Variants in CELF4 observed in about 807,000 individuals in gnomAD.
CELF4 encodes CUGBP Elav-like family member 4.
A neutral mutation model predicts 59.9 loss-of-function variants in CELF4; 18 were observed. The ratio of observed to expected loss-of-function variants is 0.30; its 90% confidence interval spans 0.21 to 0.45. The LOEUF (loss-of-function observed/expected upper bound fraction) is 0.45, where lower values mean the gene tolerates loss of function less well. Among genes scored for constraint, CELF4 ranks in the 20% least tolerant of loss-of-function variants. The pLI, the probability that CELF4 is intolerant of heterozygous loss-of-function variation, is 1.00. For synonymous variants in CELF4, 261 were observed against 267.1 expected, an observed-to-expected ratio of 0.98 and a Z score of 0.22; for missense variants, 456 against 689.0, an observed-to-expected ratio of 0.66 and a Z score of 3.79.
intron 3 of CELF4, among the ~76,000 whole-genome samples, chr18:37,310,680 C>A (rs2096613255): frequency 1.3e-5 from 2 of 152,244 alleles, no homozygotes; most frequent in African/African-American, 4.8e-5. Context: ...CACACCCTGC[C>A]ATTCCCGTGT....
At chr18:37,411,128 T>C (rs971266246) in intron 2 of CELF4, among the ~76,000 whole-genome samples, 2 of 151,976 alleles carry the variant, frequency 1.3e-5, no homozygotes, top group South Asian at 2.1e-4. Context: ...GGGTAATTTT[T>C]GTATTTTTTT....
chr18:37,345,420 GC>G (rs2098217817), intron 2 of CELF4, among the ~76,000 whole-genome samples: 3 of 152,146 alleles, frequency 2.0e-5, no homozygotes, highest in Non-Finnish European at 2.9e-5. Context: ...CCTGGGCACA[GC>G]CAGCCTCTCT....
At chr18:37,324,219 G>T (rs1168088324) in intron 2 of CELF4, among the ~76,000 whole-genome samples, 4 of 152,092 alleles carry the variant, frequency 2.6e-5, no homozygotes, top group Non-Finnish European at 5.9e-5. Context: ...CTTCTGTATG[G>T]ACTGAAGTGT....
At chr18:37,405,193 C>T (rs2154586913) in intron 2 of CELF4, among the ~76,000 whole-genome samples, 2 of 152,284 alleles carry the variant, frequency 1.3e-5, no homozygotes, top group East Asian at 3.9e-4. Flanking sequence ...CTGTCATTTT[C>T]ACTAACAGCT....
intron 9 of CELF4, chr18:37,266,096 G>C (rs963100165): frequency 3.5e-6 from 1 of 284,612 alleles, no homozygotes; most frequent in Admixed American, 4.9e-5. Context: ...ATCTCTTCTA[G>C]AGGCCCTCCT....
rs1368806276 is a variant in CELF4, at chr18:37,244,569, T to C, written c.*673A>G. 1.7e-5 allele frequency: 1 copy of C among 59,230 alleles called. No individual in the cohort carries two copies. Among genetic ancestry groups the C allele is most frequent in the African/African-American group, 2.1e-4 (1 of 4,684 alleles). The allele number at this position is 59,230 out of a possible 1,614,324, so 3.7% of individuals were successfully genotyped here. Reference sequence around the variant, plus strand: ...GCGTTATTTTTCCTTTTTTTGTTGTTTTTTTTGTTTTTTGTTTTTTTTTTA... The same window carrying C: ...GCGTTATTTTTCCTTTTTTTGTTGTCTTTTTTGTTTTTTGTTTTTTTTTTA... On this transcript the variant is annotated 3_prime_UTR_variant, in exon 13 of 13. Coordinates refer to ENST00000420428, the MANE Select transcript of CELF4 (RefSeq NM_020180.4).
At position 37,243,908 on chromosome 18, in the gene CELF4, A is replaced by G. The variant is rs539351562; in HGVS notation, c.*1334T>C. On this transcript the variant is annotated 3_prime_UTR_variant, in exon 13 of 13. Transcript: ENST00000420428. ...CAGAGGGAAGCGAGAGGCGAGGATG[A>G]CGGCGGCGGCGGCGGCGGCGACCCG... 164 of 187,778 alleles carry G rather than the reference A, an allele frequency of 8.7e-4. 3 individuals are homozygous for G. The highest frequency in any genetic ancestry group is 8.1e-4 in the Non-Finnish European group (73 of 90,256). 11.6% of individuals were successfully genotyped at this position (187,778 alleles called of 1,614,324 possible). A position where few individuals can be genotyped will look rare whatever the true frequency, so the allele number is the denominator to read the frequency against.
At chr18:37,359,065 T>C (rs947313681) in intron 2 of CELF4, among the ~76,000 whole-genome samples, 1 of 152,032 alleles carries the variant, frequency 6.6e-6, no homozygotes, top group Non-Finnish European at 1.5e-5. Flanking sequence ...CCCACTGTAC[T>C]CCAGCCTGGG....
intron 2 of CELF4, among the ~76,000 whole-genome samples, chr18:37,457,992 G>T (rs145903012): frequency 6.6e-6 from 1 of 152,310 alleles, no homozygotes; most frequent in East Asian, 1.9e-4. Flanking sequence ...CAGGCTGAGG[G>T]TGTTGGCAGA....
At chr18:37,260,058 A>G (rs1228536540) in intron 10 of CELF4, among the ~76,000 whole-genome samples, 2 of 152,150 alleles carry the variant, frequency 1.3e-5, no homozygotes, top group African/African-American at 2.4e-5. Flanking sequence ...CCTTACAGCA[A>G]CCCTGTGACA....
At chr18:37,504,453 CAA>C (rs765700471) in intron 1 of CELF4, among the ~76,000 whole-genome samples, 12,840 of 70,772 alleles carry the variant, frequency 0.18, 509 homozygotes, top group East Asian at 0.32. Flanking sequence ...GACTCCATCT[CAA>C]AAAAAAAAAA....
At chr18:37,250,387 A>C in intron 12 of CELF4, among the ~76,000 whole-genome samples, 1 of 147,644 alleles carries the variant, frequency 6.8e-6, no homozygotes, top group Admixed American at 6.8e-5. Flanking sequence ...GCCCAACTGT[A>C]CTCCCCACAG....
chr18:37,490,352 A>G (rs916949364), intron 1 of CELF4, among the ~76,000 whole-genome samples: 32 of 152,188 alleles, frequency 2.1e-4, no homozygotes, highest in Admixed American at 1.0e-3. Context: ...GAATGTATTC[A>G]TGTATCACTT....
intron 3 of CELF4, among the ~76,000 whole-genome samples, chr18:37,284,714 T>C (rs2094562753): frequency 1.3e-5 from 2 of 152,162 alleles, no homozygotes; most frequent in African/African-American, 4.8e-5. Context: ...GGTTGTAAGA[T>C]CAACAAGAAG....
At chr18:37,560,633 C>T (rs1568364102) in intron 1 of CELF4, among the ~76,000 whole-genome samples, 1 of 152,096 alleles carries the variant, frequency 6.6e-6, no homozygotes, top group Non-Finnish European at 1.5e-5. Flanking sequence ...CCAGTCTTTC[C>T]CCCTGGACAG....
intron 1 of CELF4, among the ~76,000 whole-genome samples, chr18:37,538,129 A>T (rs1328458218): frequency 1.3e-5 from 2 of 152,124 alleles, no homozygotes; most frequent in Non-Finnish European, 2.9e-5. Flanking sequence ...GGCCAGAGGG[A>T]TGGCGGGGTG....
At chr18:37,470,866 GTGTGTGTGTGTGTGTGT>G (rs1335655246) in intron 2 of CELF4, among the ~76,000 whole-genome samples, 11 of 124,978 alleles carry the variant, frequency 8.8e-5, no homozygotes, top group African/African-American at 2.5e-4. Flanking sequence ...GTGTGTGTGT[GTGTGTGTGTGTGTGTGT>G]GTGTGACAGA....
chr18:37,260,040 C>A (rs1251096972), intron 10 of CELF4, among the ~76,000 whole-genome samples: 1 of 152,206 alleles, frequency 6.6e-6, no homozygotes, highest in South Asian at 2.1e-4. Flanking sequence ...GTCTCTAACT[C>A]ACTTAATCCT....
intron 10 of CELF4, 109 bp from the exon 11 acceptor site, chr18:37,259,373 G>A: frequency 3.9e-6 from 1 of 257,510 alleles, no homozygotes; most frequent in South Asian, 3.9e-5. Context: ...AGGGGTGGGG[G>A]CAAGGTTAGG....
Sources: allele counts gnomAD v4.1 joint callset (sites outside exome capture counted in the v4.1 genomes callset), GRCh38; gene constraint gnomAD v4.1.1; transcripts MANE v1.5; gene names NCBI Gene and HGNC (gene_info 2026-07-23, HGNC 2026-07-21).